Variants in FBXL17 observed in about 807,000 individuals in gnomAD.
The protein encoded by FBXL17 is F-box/LRR-repeat protein 17.
A neutral mutation model predicts 66.2 loss-of-function variants in FBXL17; 22 were observed. The ratio of observed to expected loss-of-function variants is 0.33; its 90% CI spans 0.24 to 0.47. The LOEUF (loss-of-function observed/expected upper bound fraction) is 0.47. Ranked by LOEUF, FBXL17 falls within the 20% of genes least tolerant of loss-of-function variation. The pLI is 1.00. For missense variants in FBXL17, 878 were observed against 948.2 expected, an observed-to-expected ratio of 0.93 and a Z score of 0.97; for synonymous variants, 474 against 400.5, an observed-to-expected ratio of 1.18 and a Z score of -2.19.
At chr5:108,284,905 T>C (rs542459898) in intron 4 of FBXL17, among the ~76,000 whole-genome samples, 10 of 151,952 alleles carry the variant, frequency 6.6e-5, no homozygotes, top group Admixed American at 4.6e-4. Context: ...ATGAAAGATT[T>C]CTCTGTAGCA....
intron 7 of FBXL17, among the ~76,000 whole-genome samples, chr5:108,010,762 C>A (rs184263570): frequency 2.0e-5 from 3 of 151,946 alleles, no homozygotes; most frequent in Admixed American, 2.0e-4. Context: ...GCAATTTGAG[C>A]ATCAATAAAA....
chr5:108,163,397 T>C (rs1242138135), intron 6 of FBXL17, among the ~76,000 whole-genome samples: 1 of 87,328 alleles, frequency 1.1e-5, no homozygotes, highest in African/African-American at 3.5e-5. Flanking sequence ...ACTTTTTTTT[T>C]TCTTTTTTTT....
intron 5 of FBXL17, among the ~76,000 whole-genome samples, chr5:108,211,629 T>G (rs1248975486): frequency 6.6e-6 from 1 of 152,254 alleles, no homozygotes; most frequent in Non-Finnish European, 1.5e-5. Flanking sequence ...AAAATTCTTT[T>G]CTTTAAGAAT....
intron 6 of FBXL17, among the ~76,000 whole-genome samples, chr5:108,185,288 C>G (rs920639933): frequency 1.3e-5 from 2 of 152,048 alleles, no homozygotes; most frequent in African/African-American, 4.8e-5. Flanking sequence ...GAGGAAGGGC[C>G]TGTTTGGAGG....
At chr5:108,105,265 G>A (rs181524930) in intron 6 of FBXL17, among the ~76,000 whole-genome samples, 102 of 152,308 alleles carry the variant, frequency 6.7e-4, no homozygotes, top group African/African-American at 2.3e-3. Context: ...GTGGACCTTG[G>A]GGGCTGGACA....
At chr5:108,193,252 C>T (rs1399158281) in intron 5 of FBXL17, among the ~76,000 whole-genome samples, 1 of 151,988 alleles carries the variant, frequency 6.6e-6, no homozygotes, top group African/African-American at 2.4e-5. Context: ...GTCAGGCTGT[C>T]AAGATGGAGA....
chr5:108,171,090 T>G (rs1354586347), intron 6 of FBXL17, among the ~76,000 whole-genome samples: 1 of 152,220 alleles, frequency 6.6e-6, no homozygotes, highest in East Asian at 1.9e-4. Context: ...ACTCAGTCCC[T>G]TATGAGACCT....
At chr5:108,082,065 A>G (rs1031089558) in intron 6 of FBXL17, among the ~76,000 whole-genome samples, 85 of 152,166 alleles carry the variant, frequency 5.6e-4, no homozygotes, top group African/African-American at 2.0e-3. Context: ...GGAACCAAGA[A>G]GTGCACAGAC....
chr5:108,313,611 G>A (rs1337215464), intron 4 of FBXL17, among the ~76,000 whole-genome samples: 12 of 151,840 alleles, frequency 7.9e-5, no homozygotes, highest in Non-Finnish European at 1.5e-5. Flanking sequence ...GCTGGTACCA[G>A]GTTTAAAGAT....
chr5:108,133,663 C>T lies in FBXL17; in HGVS notation c.1745+52454G>A, dbSNP rs547156273. On this transcript the variant is annotated intron_variant, in intron 6 of 8. Coordinates refer to ENST00000542267, the MANE Select transcript of FBXL17 (RefSeq NM_001163315.3). ...GGCTGAGAAGAAAGGAAGGAAAAAA[C>T]GTTGGTCTATAGGAAAGCAAAGAAA... Among the ~76,000 whole-genome samples the T allele has an allele frequency of 6.6e-5, 10 of 151,794 alleles. No individual in the cohort carries two copies. The East Asian group carries it at 7.8e-4, about 12-fold the overall frequency.
intron 6 of FBXL17, among the ~76,000 whole-genome samples, chr5:108,052,130 A>G (rs1280143662): frequency 2.7e-5 from 1 of 37,698 alleles, no homozygotes; most frequent in East Asian, 8.4e-4. Context: ...AAAAAAAAAA[A>G]AAAAGAAAAA....
chr5:108,380,030 T>C (rs1265142982), intron 1 of FBXL17, among the ~76,000 whole-genome samples: 1 of 152,210 alleles, frequency 6.6e-6, no homozygotes, highest in South Asian at 2.1e-4. Flanking sequence ...TTACTTTCTG[T>C]ATGTGACCTT....
chr5:108,306,107 G>C (rs1419939346), intron 4 of FBXL17, among the ~76,000 whole-genome samples: 2 of 151,860 alleles, frequency 1.3e-5, no homozygotes, highest in African/African-American at 2.4e-5. Flanking sequence ...TACATGAATT[G>C]CATATTTTTA....
At chr5:108,143,245 T>G (rs533223875) in intron 6 of FBXL17, among the ~76,000 whole-genome samples, 2 of 151,994 alleles carry the variant, frequency 1.3e-5, no homozygotes, top group East Asian at 3.9e-4. Context: ...GGAGAAAATA[T>G]AACATTACAG....
chr5:108,078,368 T>C (rs942410651), intron 6 of FBXL17, among the ~76,000 whole-genome samples: 1 of 152,222 alleles, frequency 6.6e-6, no homozygotes, highest in Non-Finnish European at 1.5e-5. Context: ...TTGTCATATG[T>C]GAAACTTTTT....
intron 7 of FBXL17, among the ~76,000 whole-genome samples, chr5:107,938,644 C>A (rs72795974): frequency 0.017 from 2,640 of 152,168 alleles, 31 homozygotes; most frequent in South Asian, 0.031. Flanking sequence ...CAGTAGGTGA[C>A]TAAGGCACTG....
chr5:108,164,099 C>A (rs908360251), intron 6 of FBXL17, among the ~76,000 whole-genome samples: 3 of 152,112 alleles, frequency 2.0e-5, no homozygotes, highest in Non-Finnish European at 2.9e-5. Flanking sequence ...AGCAAAGATG[C>A]CTTAGTAATC....
chr5:108,244,541 A>G (rs1469122732), intron 4 of FBXL17, among the ~76,000 whole-genome samples: 1 of 152,198 alleles, frequency 6.6e-6, no homozygotes, highest in Non-Finnish European at 1.5e-5. Context: ...AGGGCTACCC[A>G]CTATTCAATG....
At chr5:108,362,375 A>C (rs944206401) in intron 3 of FBXL17, among the ~76,000 whole-genome samples, 3 of 152,128 alleles carry the variant, frequency 2.0e-5, no homozygotes, top group Non-Finnish European at 2.9e-5. Flanking sequence ...AATTTCTTAG[A>C]TATATTTTAA....
Sources: allele counts gnomAD v4.1 joint callset (sites outside exome capture counted in the v4.1 genomes callset), GRCh38; gene constraint gnomAD v4.1.1; transcripts MANE v1.5; gene names NCBI Gene and HGNC (gene_info 2026-07-23, HGNC 2026-07-21).